The following ACVR1 variants were observed in gnomAD, a reference collection of about 807,000 sequenced individuals.
ACVR1 encodes the protein activin receptor type-1.
Under a neutral mutation model 57.1 loss-of-function variants are expected in ACVR1, and 38 were observed. That is an observed-to-expected ratio of 0.67 (90% CI 0.51 to 0.87). The LOEUF (loss-of-function observed/expected upper bound fraction) is 0.87. ACVR1 is among the 40% of genes least tolerant of loss of function. The pLI, the probability that ACVR1 is intolerant of heterozygous loss-of-function variation, is 0.00. For missense variants in ACVR1, 463 were observed against 638.2 expected, an observed-to-expected ratio of 0.73 and a Z score of 2.96; for synonymous variants, 212 against 228.1, an observed-to-expected ratio of 0.93 and a Z score of 0.63.
rs767830176 is a variant in ACVR1, at chr2:157,737,606, T to A, written c.1455A>T (p.Arg485Ser). The A allele has an allele frequency of 6.2e-7, 1 of 1,614,088 alleles. No homozygotes were observed. The highest frequency in any genetic ancestry group is 8.5e-7 in the Non-Finnish European group (1 of 1,179,974). ...TCTTTTTGATACGCAGTGCTGTGAG[T>A]CTTGCGGATGGATTTTGATACCAGC... ...KECWYQNPSA[R>S]LTALRIKKTL... is the part of the protein sequence containing the mutation. Residue 485 changes from arginine (R) to serine (S), a missense_variant, in exon 11 of 11, where the codon AGA becomes AGT. Arg to Ser is a moderately radical substitution (Grantham distance 110). Around this residue, in one of 3 missense-constraint regions of ACVR1, gnomAD observed 146 missense variants for 186.6 expected, o/e 0.78. Coordinates refer to ENST00000434821, the MANE Select transcript of ACVR1 (RefSeq NM_001111067.4).
chr2:157,743,812 G>C (rs1298172409), intron 9 of ACVR1, among the ~76,000 whole-genome samples: 2 of 151,986 alleles, frequency 1.3e-5, no homozygotes, highest in Non-Finnish European at 2.9e-5. Context: ...AAGCTTTCGA[G>C]TTTCAAAGTT....
intron 1 of ACVR1, among the ~76,000 whole-genome samples, chr2:157,834,345 G>A (rs1006818673): frequency 1.3e-5 from 2 of 151,752 alleles, no homozygotes; most frequent in African/African-American, 2.4e-5. Flanking sequence ...TGCCTGCCTC[G>A]GCCTCCCAAA....
intron 3 of ACVR1, among the ~76,000 whole-genome samples, chr2:157,788,655 G>A (rs1490694987): frequency 1.3e-5 from 2 of 152,048 alleles, no homozygotes; most frequent in Admixed American, 6.6e-5. Context: ...CCTAGACATA[G>A]GAAAAGATGT....
At chr2:157,767,272 G>A (rs6746764) in intron 7 of ACVR1, among the ~76,000 whole-genome samples, 37,290 of 152,064 alleles carry the variant, frequency 0.25, 4,626 homozygotes, top group East Asian at 0.27. Context: ...ACCTTCAGGT[G>A]ATCCACCTGC....
chr2:157,857,583 T>C (rs909126692), intron 1 of ACVR1, among the ~76,000 whole-genome samples: 16 of 152,178 alleles, frequency 1.1e-4, no homozygotes, highest in African/African-American at 3.9e-4. Context: ...ATAATATCAT[T>C]TTCTGCCCTG....
intron 6 of ACVR1, among the ~76,000 whole-genome samples, chr2:157,771,343 G>C (rs1165554422): frequency 6.6e-6 from 1 of 152,182 alleles, no homozygotes; most frequent in Non-Finnish European, 1.5e-5. Context: ...TCTGTTTGGT[G>C]CATGGCCCCC....
chr2:157,824,363 G>C (rs1188897525), intron 1 of ACVR1, among the ~76,000 whole-genome samples: 1 of 152,180 alleles, frequency 6.6e-6, no homozygotes, highest in Non-Finnish European at 1.5e-5. Flanking sequence ...AGCTACTCAG[G>C]AGGCTGAGAT....
At chr2:157,830,239 G>T (rs2105343508) in intron 1 of ACVR1, among the ~76,000 whole-genome samples, 1 of 151,976 alleles carries the variant, frequency 6.6e-6, no homozygotes, top group South Asian at 2.1e-4. Context: ...TAAATAAAAG[G>T]CCCTTCATAA....
At chr2:157,822,825 A>G (rs900316519) in intron 1 of ACVR1, among the ~76,000 whole-genome samples, 3 of 152,184 alleles carry the variant, frequency 2.0e-5, no homozygotes, top group Non-Finnish European at 4.4e-5. Flanking sequence ...AAAACCGAAA[A>G]TATTTACTAC....
intron 1 of ACVR1, among the ~76,000 whole-genome samples, chr2:157,857,862 A>C (rs984641187): frequency 1.3e-5 from 2 of 152,212 alleles, no homozygotes; most frequent in Non-Finnish European, 2.9e-5. Flanking sequence ...AAGGGATTTT[A>C]TGGAGCCCCA....
At chr2:157,804,678 T>G (rs752271652) in intron 2 of ACVR1, among the ~76,000 whole-genome samples, 19 of 152,182 alleles carry the variant, frequency 1.2e-4, no homozygotes, top group Non-Finnish European at 2.4e-4. Flanking sequence ...AAATCGCTAT[T>G]CAGAAAATGG....
At chr2:157,780,704 G>A in intron 3 of ACVR1, 104 bp from the exon 4 acceptor site, 1 of 1,398,288 alleles carries the variant, frequency 7.2e-7, no homozygotes, top group Non-Finnish European at 9.7e-7. Context: ...TCTATCAACA[G>A]AAAGTCAAGC....
chr2:157,741,730 A>G (rs988903546), intron 9 of ACVR1, among the ~76,000 whole-genome samples: 2 of 152,108 alleles, frequency 1.3e-5, no homozygotes, highest in Admixed American at 1.3e-4. Flanking sequence ...GACTAGCTTT[A>G]GAGGGAAGAG....
chr2:157,739,244 A>C (rs1177129822), intron 9 of ACVR1, among the ~76,000 whole-genome samples: 1 of 152,172 alleles, frequency 6.6e-6, no homozygotes, highest in Non-Finnish European at 1.5e-5. Context: ...TGAAGGCACA[A>C]AATAAAATGT....
intron 1 of ACVR1, among the ~76,000 whole-genome samples, chr2:157,865,047 C>G (rs1372113): frequency 0.96 from 142,382 of 147,722 alleles, 68,836 homozygotes; most frequent in East Asian, 1. Flanking sequence ...TAAAGCTGTG[C>G]TTAGCAAGGC....
Position 157,869,598 on chromosome 2 carries a change from C to A in ACVR1, c.-183+6198G>T, listed in dbSNP as rs531284014. On this transcript the variant is annotated intron_variant, in intron 1 of 10. Coordinates refer to ENST00000434821, the MANE Select transcript of ACVR1 (RefSeq NM_001111067.4). ...ACATGCATATGTGTTTGTGTGTGTA[C>A]CAGGTCATGATATAAAATGTACTGC... Among the ~76,000 whole-genome samples, 11 of 152,210 alleles carry A rather than the reference C, an allele frequency of 7.2e-5. No homozygotes were observed. In the South Asian group the frequency reaches 2.3e-3, roughly 32 times the overall value.
chr2:157,844,781 T>C (rs940265839), intron 1 of ACVR1, among the ~76,000 whole-genome samples: 3 of 152,002 alleles, frequency 2.0e-5, no homozygotes, highest in East Asian at 1.9e-4. Context: ...CCCAATGAGA[T>C]AGTATTAAGA....
chr2:157,819,433 TCACGG>T (rs1688075757), intron 1 of ACVR1: 2 of 145,544 alleles, frequency 1.4e-5, no homozygotes, highest in African/African-American at 5.1e-5. Context: ...TGAGCCGAGA[TCACGG>T]TGAGCCGAGA....
At chr2:157,755,641 G>C (rs1685398276) in intron 9 of ACVR1, among the ~76,000 whole-genome samples, 1 of 151,888 alleles carries the variant, frequency 6.6e-6, no homozygotes, top group Non-Finnish European at 1.5e-5. Flanking sequence ...AAAACTACAA[G>C]ACACTGCTGA....
Sources: gnomAD v4.1 joint callset for allele counts (sites outside exome capture counted in the v4.1 genomes callset) on GRCh38, gnomAD v4.1.1 for gene constraint, gnomAD v4.1.1 regional missense constraint, MANE v1.5 for transcripts, NCBI Gene and HGNC (gene_info 2026-07-23, HGNC 2026-07-21) for gene names.